The following ZZEF1 variants were observed in gnomAD, a reference collection of about 807,000 sequenced individuals.
ZZEF1 encodes zinc finger ZZ-type and EF-hand domain-containing protein 1.
A neutral mutation model predicts 342.8 loss-of-function variants in ZZEF1; 157 were observed. The observed-to-expected ratio is 0.46, with a 90% CI of 0.40 to 0.52. ZZEF1 has a LOEUF of 0.52. Among genes scored for constraint, ZZEF1 ranks in the 20% least tolerant of loss-of-function variants. The pLI is 0.00. For missense variants in ZZEF1, 3,480 were observed against 3,725.6 expected, an observed-to-expected ratio of 0.93 and a Z score of 1.72; for synonymous variants, 1,505 against 1,429.1, an observed-to-expected ratio of 1.05 and a Z score of -1.20.
At position 4,077,935 on chromosome 17, in the gene ZZEF1, C is replaced by G. The variant is rs1257750522; in HGVS notation, c.2937G>C (p.Leu979=). ...GSLLSWCYLQ[L]KSTDSGAKDL... ...CTTTGGCTCCAGAGTCCGTGCTCTT[C>G]AGCTGCAGGTAGCACCAGGATAGCA... The change falls in exon 19 of 55, where the codon CTG becomes CTC. Residue 979 remains leucine, a synonymous_variant. Coordinates refer to ENST00000381638, the MANE Select transcript of ZZEF1 (RefSeq NM_015113.4). 6.2e-7 allele frequency: 1 copy of G among 1,614,190 alleles called. No homozygotes were observed. The highest frequency in any genetic ancestry group is 8.5e-7 in the Non-Finnish European group (1 of 1,180,042).
At chr17:4,019,109 G>A (rs370150803) in intron 46 of ZZEF1, among the ~76,000 whole-genome samples, 1 of 151,944 alleles carries the variant, frequency 6.6e-6, no homozygotes, top group East Asian at 1.9e-4. Context: ...AAGGCTTTTA[G>A]GCAATATATA....
At position 4,017,791 on chromosome 17, in the gene ZZEF1, G is replaced by A. The variant is rs765212754; in HGVS notation, c.7641+45C>T. The A allele has an allele frequency of 1.2e-6, 2 of 1,613,810 alleles. No homozygotes were observed. Among genetic ancestry groups the A allele is most frequent in the South Asian group, 2.2e-5 (2 of 91,060 alleles). On this transcript the variant is annotated intron_variant, in intron 47 of 54. Transcript: ENST00000381638. The surrounding 1 kb of genome is among the most constrained non-coding windows in gnomAD (Gnocchi z 5.1). ...CTTCTTACAGTGGTGGTATGGGGTG[G>A]GGGATGGGGTGCAGATACTTTGGGT...
intron 28 of ZZEF1, among the ~76,000 whole-genome samples, chr17:4,065,352 A>C (rs1013464136): frequency 6.6e-6 from 1 of 151,924 alleles, no homozygotes; most frequent in Non-Finnish European, 1.5e-5. Context: ...AGCCGAGATC[A>C]TGCCACTGCA....
At chr17:4,047,385 C>A (rs1451043854) in intron 37 of ZZEF1, among the ~76,000 whole-genome samples, 16 of 152,206 alleles carry the variant, frequency 1.1e-4, no homozygotes, top group Admixed American at 1.0e-3. Context: ...TGGCTCAGGC[C>A]TGTAATCCTA....
At chr17:4,095,171 C>T (rs971377258) in intron 11 of ZZEF1, among the ~76,000 whole-genome samples, 1 of 152,160 alleles carries the variant, frequency 6.6e-6, no homozygotes, top group Non-Finnish European at 1.5e-5. Context: ...CCTCTGGGCC[C>T]ATGAAGCTGC....
At position 4,104,232 on chromosome 17, in the gene ZZEF1, C is replaced by T. The variant is rs578126951; in HGVS notation, c.1573+401G>A. ...GCATTCTAAGACAAAGATCCCTTTG[C>T]ACCGTATCTTGGCTAGTTTCCTCCC... On this transcript the variant is annotated intron_variant, in intron 8 of 54. Coordinates refer to ENST00000381638, the MANE Select transcript of ZZEF1 (RefSeq NM_015113.4). Among the ~76,000 whole-genome samples, 5 of 152,314 alleles carry T rather than the reference C, an allele frequency of 3.3e-5. No individual in the cohort carries two copies. In the South Asian group the frequency reaches 1.0e-3, roughly 32 times the overall value.
chr17:4,064,820 C>T lies in ZZEF1; in HGVS notation c.4259G>A (p.Cys1420Tyr). ...TAGTAATAGAAGACTCTTCTCAATGCACTCTTTTGCTAGATGCAAACAAGA... is the reference window on the plus strand; with the variant it reads ...TAGTAATAGAAGACTCTTCTCAATGTACTCTTTTGCTAGATGCAAACAAGA... Reference protein sequence around the residue: ...EVNPESLAKECIEKSLLLLKF... With the variant: ...EVNPESLAKEYIEKSLLLLKF... The change falls in exon 29 of 55, where the codon TGC becomes TAC. Residue 1420 changes from cysteine (C) to tyrosine (Y), a missense_variant. By Grantham distance (194) the Cys-to-Tyr change is radical. Transcript: ENST00000381638. 6.5e-7 allele frequency: 1 copy of T among 1,540,812 alleles called. No individual in the cohort carries two copies. Among genetic ancestry groups the T allele is most frequent in the Non-Finnish European group, 8.8e-7 (1 of 1,138,676 alleles).
rs75155745 is a variant in ZZEF1 at position 4,050,995 on chromosome 17, C to T, written c.5649G>A (p.Arg1883=). The change falls in exon 36 of 55, where the codon CGG becomes CGA. Residue 1883 remains arginine (R), a synonymous_variant. Coordinates refer to ENST00000381638, the MANE Select transcript of ZZEF1 (RefSeq NM_015113.4). ...GGATGAGCCTCTGCCGGTCACTGAT[C>T]CGAATGGTTACCATTGGGTGGGCCG... ...SITAHPMVTI[R]ISDRQRLIQP... 1.3e-3 allele frequency: 2,154 copies of T among 1,614,184 alleles called. 27 individuals are homozygous for T. The African/African-American group carries it at 0.025, about 19-fold the overall frequency.
At chr17:4,039,873 T>A (rs2056765131) in intron 39 of ZZEF1, among the ~76,000 whole-genome samples, 1 of 152,088 alleles carries the variant, frequency 6.6e-6, no homozygotes. Flanking sequence ...CTCGATCTCC[T>A]GACCTCATGA....
intron 34 of ZZEF1, 72 bp from the exon 35 acceptor site, chr17:4,052,208 C>A: frequency 6.9e-7 from 1 of 1,443,516 alleles, no homozygotes; most frequent in Non-Finnish European, 9.3e-7. Context: ...CAAACCCAAA[C>A]CAACCCCAGC....
At chr17:4,123,120 C>G (rs1221654078) in intron 2 of ZZEF1, among the ~76,000 whole-genome samples, 1 of 151,008 alleles carries the variant, frequency 6.6e-6, no homozygotes, top group Non-Finnish European at 1.5e-5. Flanking sequence ...CGGGGTTTCA[C>G]TGTGTTAGCC....
At chr17:4,034,539 C>T (rs575247952) in intron 39 of ZZEF1, among the ~76,000 whole-genome samples, 2 of 152,276 alleles carry the variant, frequency 1.3e-5, no homozygotes, top group South Asian at 2.1e-4. Flanking sequence ...TTCCCCCTCA[C>T]CTTTCAAAAT....
intron 1 of ZZEF1, among the ~76,000 whole-genome samples, chr17:4,133,496 A>G (rs1282989591): frequency 6.6e-6 from 1 of 152,128 alleles, no homozygotes; most frequent in Non-Finnish European, 1.5e-5. Context: ...TCCTCCATCT[A>G]TAAAAGCTGC....
intron 1 of ZZEF1, among the ~76,000 whole-genome samples, chr17:4,139,564 A>G (rs572958548): frequency 6.6e-6 from 1 of 152,346 alleles, no homozygotes; most frequent in African/African-American, 2.4e-5. Context: ...GTATGCACAA[A>G]AGTATATACT....
intron 10 of ZZEF1, 138 bp downstream of exon 10, chr17:4,096,471 C>A: frequency 1.4e-6 from 1 of 712,130 alleles, no homozygotes; most frequent in Non-Finnish European, 2.4e-6. Flanking sequence ...CATCCTCATC[C>A]TCTGTATGAT....
chr17:4,020,009 A>C, intron 45 of ZZEF1: 1 of 409,574 alleles, frequency 2.4e-6, no homozygotes, highest in Non-Finnish European at 4.3e-6. Flanking sequence ...CCCCAAAGAA[A>C]TATCCTGTCA....
intron 39 of ZZEF1, 77 bp from the exon 40 acceptor site, chr17:4,034,369 T>G (rs557667137): frequency 1.4e-6 from 2 of 1,478,994 alleles, no homozygotes; most frequent in Non-Finnish European, 1.8e-6. Context: ...ATCTCCCTCC[T>G]ACCTTATTTA....
chr17:4,022,858 C>T, intron 43 of ZZEF1, 30 bp from the exon 44 acceptor site: 1 of 1,611,842 alleles, frequency 6.2e-7, no homozygotes, highest in Non-Finnish European at 8.5e-7. Context: ...TGATGTGTGA[C>T]TGCCTTGGAG....
rs1446058979 is a variant in ZZEF1, at chr17:4,034,038, G to A, written c.6561C>T (p.Ser2187=). The A allele has an allele frequency of 2.5e-6, 4 of 1,614,046 alleles. No homozygotes were observed. In the African/African-American group the frequency reaches 5.3e-5, roughly 22 times the overall value. ...DGWKTTHLLF[S]LGAVCLDSRV... ...ACCTGTCCAGACACACAGCTCCCAG[G>A]CTAAAGAGCAGGTGGGTGGTTTTCC... The change falls in exon 40 of 55, where the codon AGC becomes AGT. Residue 2187 remains serine (S), a synonymous_variant. Transcript: ENST00000381638.
Sources: allele counts gnomAD v4.1 joint callset (sites outside exome capture counted in the v4.1 genomes callset), GRCh38; gene constraint gnomAD v4.1.1; non-coding constraint Gnocchi (gnomAD v3.1); transcripts MANE v1.5; gene names NCBI Gene and HGNC (gene_info 2026-07-23, HGNC 2026-07-21).